LRRC37A2: variants seen among roughly 807,000 people sequenced by gnomAD.
LRRC37A2 encodes the protein leucine-rich repeat-containing protein 37A2.
LRRC37A2 carries 9 observed loss-of-function variants against 68.8 expected under a neutral mutation model. The observed-to-expected ratio is 0.13, with a 90% CI of 0.08 to 0.23. LRRC37A2 has a LOEUF of 0.23. Among genes scored for constraint, LRRC37A2 ranks in the 10% least tolerant of loss-of-function variants. LRRC37A2 has a pLI of 1.00. For missense variants in LRRC37A2, 168 were observed against 950.4 expected, an observed-to-expected ratio of 0.18 and a Z score of 10.82; for synonymous variants, 63 against 367.6, an observed-to-expected ratio of 0.17 and a Z score of 9.48.
the LRRC37A2 span, chr17:47,035,109 C>T: frequency 1.3e-5 from 2 of 152,224 alleles, no homozygotes; most frequent in Non-Finnish European, 2.9e-5. Context: ...CATGTTTGGT[C>T]TTCTGGCACC....
the LRRC37A2 span, among the ~76,000 whole-genome samples, chr17:46,882,941 C>T: frequency 1.4e-4 from 22 of 152,102 alleles, no homozygotes; most frequent in Non-Finnish European, 2.8e-4. Flanking sequence ...TTTCCTCATA[C>T]TCCCCTCTGG....
At chr17:46,524,277 CA>C (rs1227402626) in intron 6 of LRRC37A2, among the ~76,000 whole-genome samples, 1 of 1,412 alleles carries the variant, frequency 7.1e-4, no homozygotes, top group Non-Finnish European at 2.3e-3. Context: ...ACTATAAATA[CA>C]AAAAAAAAAT....
chr17:47,009,528 C>A, the LRRC37A2 span, among the ~76,000 whole-genome samples: 5 of 152,310 alleles, frequency 3.3e-5, no homozygotes, highest in Middle Eastern at 3.4e-3. Context: ...AGATTTTAAG[C>A]TGCAGAGACC....
chr17:46,743,301 C>T, the LRRC37A2 span, among the ~76,000 whole-genome samples: 3 of 152,206 alleles, frequency 2.0e-5, no homozygotes, highest in African/African-American at 4.8e-5. Flanking sequence ...CGTATGGATT[C>T]CTGACACCAC....
the LRRC37A2 span, among the ~76,000 whole-genome samples, chr17:46,759,593 G>A: frequency 4.6e-5 from 7 of 152,192 alleles, no homozygotes; most frequent in South Asian, 2.1e-4. Context: ...GCAGCAATGC[G>A]TAGCTGCACT....
the LRRC37A2 span, chr17:46,714,089 C>G: frequency 8.1e-7 from 1 of 1,241,572 alleles, no homozygotes; most frequent in Non-Finnish European, 1.1e-6. Flanking sequence ...CCCATAGCAA[C>G]TATGTTCTTC....
the LRRC37A2 span, among the ~76,000 whole-genome samples, chr17:46,824,818 T>C: frequency 6.6e-6 from 1 of 152,172 alleles, no homozygotes; most frequent in African/African-American, 2.4e-5. Flanking sequence ...GCCCCTATCT[T>C]GAGTGGCCCT....
chr17:46,521,025 CAG>C (rs2052206817), intron 4 of LRRC37A2, among the ~76,000 whole-genome samples: 1 of 80,596 alleles, frequency 1.2e-5, no homozygotes, highest in South Asian at 5.1e-4. Context: ...TATATTAAAA[CAG>C]ATGTTTAAAA....
the LRRC37A2 span, among the ~76,000 whole-genome samples, chr17:46,843,142 A>T: frequency 6.6e-6 from 1 of 152,244 alleles, no homozygotes; most frequent in African/African-American, 2.4e-5. Flanking sequence ...AGAGAGGGAG[A>T]AACTAGGGTA....
chr17:46,766,648 G>A, the LRRC37A2 span, among the ~76,000 whole-genome samples: 1 of 152,126 alleles, frequency 6.6e-6, no homozygotes, highest in Non-Finnish European at 1.5e-5. Context: ...TCCTAGATGG[G>A]CTGAGTGAGT....
chr17:46,895,528 C>T, the LRRC37A2 span, among the ~76,000 whole-genome samples: 1 of 152,198 alleles, frequency 6.6e-6, no homozygotes, highest in South Asian at 2.1e-4. Context: ...TGGTGCCTGG[C>T]CTGTCTGAGC....
At chr17:46,685,124 A>G in the LRRC37A2 span, among the ~76,000 whole-genome samples, 1 of 140,070 alleles carries the variant, frequency 7.1e-6, no homozygotes, top group African/African-American at 2.7e-5. Context: ...ACGGACCCTA[A>G]TGAGATACTG....
chr17:46,764,023 A>G, the LRRC37A2 span: 3 of 152,158 alleles, frequency 2.0e-5, no homozygotes, highest in Non-Finnish European at 2.9e-5. Flanking sequence ...AGTTCTTCCA[A>G]ACTCCAAATC....
chr17:47,005,308 C>T, the LRRC37A2 span, among the ~76,000 whole-genome samples: 1 of 152,184 alleles, frequency 6.6e-6, no homozygotes, highest in Non-Finnish European at 1.5e-5. Flanking sequence ...CTGTTGCTCA[C>T]AGTGCAGACA....
At chr17:46,800,857 G>A in the LRRC37A2 span, among the ~76,000 whole-genome samples, 25 of 152,218 alleles carry the variant, frequency 1.6e-4, no homozygotes, top group African/African-American at 5.5e-4. Context: ...GGTGCTGAGG[G>A]AAGGCTGCGC....
the LRRC37A2 span, chr17:46,769,840 C>A: frequency 6.2e-7 from 1 of 1,613,410 alleles, no homozygotes; most frequent in Non-Finnish European, 8.5e-7. Context: ...CCGGCCTGTT[C>A]TCGCGCGCAT....
the LRRC37A2 span, among the ~76,000 whole-genome samples, chr17:46,746,917 G>A: frequency 1.3e-5 from 2 of 152,186 alleles, no homozygotes; most frequent in Non-Finnish European, 2.9e-5. Flanking sequence ...AGGATTAAGT[G>A]GAGGTGTCCC....
chr17:46,864,486 AC>A, the LRRC37A2 span, among the ~76,000 whole-genome samples: 1 of 152,106 alleles, frequency 6.6e-6, no homozygotes, highest in Non-Finnish European at 1.5e-5. Flanking sequence ...CTGATTCCTG[AC>A]TTTTTGCTGA....
At chr17:46,712,149 T>C in the LRRC37A2 span, among the ~76,000 whole-genome samples, 2 of 150,292 alleles carry the variant, frequency 1.3e-5, no homozygotes, top group African/African-American at 4.9e-5. Context: ...TGAGAGTCGA[T>C]TGTGGTTTGA....
Sources: gnomAD v4.1 joint callset for allele counts (sites outside exome capture counted in the v4.1 genomes callset) on GRCh38, gnomAD v4.1.1 for gene constraint, MANE v1.5 for transcripts, NCBI Gene and HGNC (gene_info 2026-07-23, HGNC 2026-07-21) for gene names.